The following CDH23 variants were observed in gnomAD, a reference collection of about 807,000 sequenced individuals.
CDH23 encodes cadherin related 23.
A neutral mutation model predicts 317.1 loss-of-function variants in CDH23; 189 were observed. That is an observed-to-expected ratio of 0.60 (90% CI 0.53 to 0.67). The LOEUF (loss-of-function observed/expected upper bound fraction) is 0.67. CDH23 is among the 30% of genes least tolerant of loss of function. The pLI is 0.00. For missense variants in CDH23, 4,401 were observed against 4,592.4 expected, an observed-to-expected ratio of 0.96 and a Z score of 1.20; for synonymous variants, 1,839 against 1,876.8, an observed-to-expected ratio of 0.98 and a Z score of 0.52.
chr10:71,775,788 A>T (rs2132922313), intron 38 of CDH23, among the ~76,000 whole-genome samples: 1 of 152,344 alleles, frequency 6.6e-6, no homozygotes, highest in East Asian at 1.9e-4. Flanking sequence ...TTTTCATTAA[A>T]AATAGTGGTG....
intron 30 of CDH23, among the ~76,000 whole-genome samples, chr10:71,727,789 C>T (rs1197705054): frequency 6.6e-6 from 1 of 152,228 alleles, no homozygotes; most frequent in Non-Finnish European, 1.5e-5. Context: ...TGGACAGGCA[C>T]AGCACTGGAC....
intron 35 of CDH23, 77 bp from the exon 36 acceptor site, chr10:71,739,567 C>G (rs915181570): frequency 6.5e-7 from 1 of 1,539,008 alleles, no homozygotes; most frequent in South Asian, 1.2e-5. Context: ...AGAGGAGGAC[C>G]AGGGAGTCCC....
At chr10:71,494,091 T>G (rs1852820685) in intron 3 of CDH23, among the ~76,000 whole-genome samples, 1 of 152,160 alleles carries the variant, frequency 6.6e-6, no homozygotes, top group Admixed American at 6.5e-5. Flanking sequence ...GCAGAAGCTG[T>G]TGTTCATTTG....
chr10:71,540,416 A>AC (rs1429262107), intron 6 of CDH23, among the ~76,000 whole-genome samples: 2 of 151,972 alleles, frequency 1.3e-5, no homozygotes, highest in African/African-American at 2.4e-5. Flanking sequence ...GGAATGTCTC[A>AC]CCCGCCCCAG....
At chr10:71,452,525 G>C (rs1436323291) in intron 3 of CDH23, among the ~76,000 whole-genome samples, 1 of 152,040 alleles carries the variant, frequency 6.6e-6, no homozygotes, top group East Asian at 1.9e-4. Context: ...TCCCTGCCTG[G>C]CAAAGTCCTG....
Position 71,566,955 on chromosome 10 carries a change from G to T in CDH23, c.624+19G>T, listed in dbSNP as rs750701686. On this transcript the variant is annotated intron_variant, in intron 7 of 69. Coordinates refer to ENST00000224721, the MANE Select transcript of CDH23 (RefSeq NM_022124.6). ...CGCCACAGTGAGTCTCCATGCTGGG[G>T]CCCCGGCCGTCCCAGCTGCCTCTTC... 3.1e-6 allele frequency: 5 copies of T among 1,605,850 alleles called. No homozygotes were observed. Among genetic ancestry groups the T allele is most frequent in the Non-Finnish European group, 4.2e-6 (5 of 1,178,158 alleles).
intron 6 of CDH23, among the ~76,000 whole-genome samples, chr10:71,547,391 A>G (rs541780626): frequency 1.3e-5 from 2 of 152,340 alleles, no homozygotes; most frequent in East Asian, 3.9e-4. Context: ...GTGCAAGGCC[A>G]GAGGGCTGGA....
At chr10:71,559,385 G>A (rs772012216) in intron 6 of CDH23, among the ~76,000 whole-genome samples, 2 of 152,196 alleles carry the variant, frequency 1.3e-5, no homozygotes, top group Non-Finnish European at 2.9e-5. Context: ...AACATTTATT[G>A]AATGCCTTCT....
intron 28 of CDH23, chr10:71,713,535 G>A (rs899168175): frequency 3.9e-6 from 2 of 509,180 alleles, no homozygotes; most frequent in Admixed American, 7.1e-5. Context: ...CCTGCATCGG[G>A]ACCAGGAGGC....
Position 71,751,157 on chromosome 10 carries a change from A to T in CDH23, c.4845+9236A>T. On this transcript the variant is annotated intron_variant, in intron 38 of 69. Coordinates refer to ENST00000224721, the MANE Select transcript of CDH23 (RefSeq NM_022124.6). The surrounding 1 kb of genome is among the most constrained non-coding windows in gnomAD (Gnocchi z 4.9). Reference sequence around the variant, plus strand: ...AGCCCAGAGCAGGAGGGAGGGAACCAGGGCCGAGGCCAAGGAGGCCACTCA... The same window carrying T: ...AGCCCAGAGCAGGAGGGAGGGAACCTGGGCCGAGGCCAAGGAGGCCACTCA... 1 of 1,416,210 alleles carries T rather than the reference A, an allele frequency of 7.1e-7. No homozygotes were observed. The highest frequency in any genetic ancestry group is 9.6e-7 in the Non-Finnish European group (1 of 1,036,884). 87.7% of individuals were successfully genotyped at this position (1,416,210 alleles called of 1,614,324 possible). A position where few individuals can be genotyped will look rare whatever the true frequency, so the allele number is the denominator to read the frequency against.
intron 3 of CDH23, among the ~76,000 whole-genome samples, chr10:71,455,162 T>G (rs1483449689): frequency 6.6e-6 from 1 of 152,154 alleles, no homozygotes. Flanking sequence ...TTTTTAAACT[T>G]TTTACTTTGA....
In CDH23 at chr10:71,734,659, G is replaced by C; in HGVS notation, c.4209+1G>C. 6.9e-7 allele frequency: 1 copy of C among 1,456,428 alleles called. No homozygotes were observed. The highest frequency in any genetic ancestry group is 9.3e-7 in the Non-Finnish European group (1 of 1,077,180). The allele number at this position is 1,456,428 out of a possible 1,614,324, so 90.2% of individuals were successfully genotyped here. On this transcript the variant is annotated splice_donor_variant, in intron 34 of 69. Coordinates refer to ENST00000224721, the MANE Select transcript of CDH23 (RefSeq NM_022124.6). LOFTEE classifies it high-confidence loss of function. Reference sequence around the variant, plus strand: ...CTGCTGCTGCCTCTGCCTACAGAAGGTGAGTAGCCTGTGGCTGGAGCTTCC... The same window carrying C: ...CTGCTGCTGCCTCTGCCTACAGAAGCTGAGTAGCCTGTGGCTGGAGCTTCC...
chr10:71,793,440 G>T lies in CDH23; in HGVS notation c.6512G>T (p.Arg2171Leu), dbSNP rs531513127. 1.2e-6 allele frequency: 2 copies of T among 1,613,936 alleles called. No individual in the cohort carries two copies. Among genetic ancestry groups the T allele is most frequent in the South Asian group, 1.1e-5 (1 of 91,072 alleles). The change falls in exon 48 of 70, where the codon CGC (arginine) becomes CTC (leucine). Residue 2171 changes from arginine (R) to leucine (L), a missense_variant. This residue lies in a region of CDH23 where 3,068 missense variants were observed against 3,203.3 expected (regional missense o/e 0.96). Transcript: ENST00000224721. Reference sequence around the variant, plus strand: ...CTGATCGATGACATCAATGACTCCCGCCCCGAGTTCCTCAACCCCATCCAG... The same window carrying T: ...CTGATCGATGACATCAATGACTCCCTCCCCGAGTTCCTCAACCCCATCCAG... ...TILIDDINDSRPEFLNPIQTV... is the reference protein window; with the variant it reads ...TILIDDINDSLPEFLNPIQTV...
At chr10:71,674,866 G>A (rs964056553) in intron 14 of CDH23, among the ~76,000 whole-genome samples, 2 of 152,204 alleles carry the variant, frequency 1.3e-5, no homozygotes, top group African/African-American at 4.8e-5. Context: ...GCCTCCCTGG[G>A]ATGGCCACAC....
intron 4 of CDH23, 97 bp from the exon 5 acceptor site, chr10:71,510,844 AGGCAAGCTCCTAG>A: frequency 9.6e-7 from 1 of 1,041,040 alleles, no homozygotes; most frequent in South Asian, 1.3e-5. Context: ...GCCTGGTTCC[AGGCAAGCTCCTAG>A]GGCAATCCTG....
chr10:71,555,180 G>T (rs79631803), intron 6 of CDH23, among the ~76,000 whole-genome samples: 2,316 of 152,172 alleles, frequency 0.015, 39 homozygotes, highest in Middle Eastern at 0.061. Context: ...TTTATTCTTG[G>T]TTTCCTCCCA....
At chr10:71,572,008 G>T (rs1857850356) in intron 8 of CDH23, among the ~76,000 whole-genome samples, 1 of 152,388 alleles carries the variant, frequency 6.6e-6, no homozygotes, top group South Asian at 2.1e-4. Flanking sequence ...ACAGCATGAG[G>T]CCGCAGTCTC....
intron 40 of CDH23, among the ~76,000 whole-genome samples, 174 bp downstream of exon 40, chr10:71,778,482 A>T (rs1299635193): frequency 2.6e-5 from 4 of 152,162 alleles, no homozygotes; most frequent in African/African-American, 9.7e-5. Context: ...GACTTTAACG[A>T]GGTCACTGAA....
intron 15 of CDH23, among the ~76,000 whole-genome samples, chr10:71,675,566 C>T (rs1864326032): frequency 6.6e-6 from 1 of 152,214 alleles, no homozygotes; most frequent in Non-Finnish European, 1.5e-5. Context: ...GTCATCCTCT[C>T]AGTGAAATGA....
Sources: allele counts gnomAD v4.1 joint callset (sites outside exome capture counted in the v4.1 genomes callset), GRCh38; gene constraint gnomAD v4.1.1; regional missense constraint gnomAD v4.1.1; non-coding constraint Gnocchi (gnomAD v3.1); transcripts MANE v1.5; gene names NCBI Gene and HGNC (gene_info 2026-07-23, HGNC 2026-07-21).